The following ESRRG variants were observed in gnomAD, a reference collection of about 807,000 sequenced individuals.
ESRRG encodes the protein estrogen related receptor gamma.
In ESRRG, 13 loss-of-function variants were observed where a neutral mutation model predicts 44.0. The ratio of observed to expected loss-of-function variants is 0.30; its 90% CI spans 0.19 to 0.47. The LOEUF is 0.47. Among genes scored for constraint, ESRRG ranks in the 20% least tolerant of loss-of-function variants. ESRRG has a pLI of 1.00. For missense variants in ESRRG, 395 were observed against 580.6 expected, an observed-to-expected ratio of 0.68 and a Z score of 3.29; for synonymous variants, 215 against 214.6, an observed-to-expected ratio of 1.00 and a Z score of -0.02.
Position 216,764,967 on chromosome 1 carries a change from G to C in ESRRG, c.-13-87476C>G, listed in dbSNP as rs76050615. 2.1e-3 allele frequency among the ~76,000 whole-genome samples: 327 copies of C among 152,104 alleles called. 2 individuals are homozygous for C. Among genetic ancestry groups the C allele is most frequent in the Non-Finnish European group, 3.9e-3 (267 of 67,994 alleles). On this transcript the variant is annotated intron_variant, in intron 2 of 7. Transcript: ENST00000359162. Reference sequence around the variant, plus strand: ...TGGAACAGCCGCCCTTCAGGGAAGCGGTGACACTCGACCAAGTGATACATC... The same window carrying C: ...TGGAACAGCCGCCCTTCAGGGAAGCCGTGACACTCGACCAAGTGATACATC...
chr1:216,712,659 G>C (rs2789718), intron 1 of ESRRG, among the ~76,000 whole-genome samples: 10 of 152,022 alleles, frequency 6.6e-5, no homozygotes, highest in African/African-American at 1.9e-4. Context: ...TGCTTTCCTC[G>C]GGCAGGAATT....
At chr1:216,726,593 A>G (rs2087567750), upstream of ESRRG, among the ~76,000 whole-genome samples, 1 of 152,186 alleles carries the variant, frequency 6.6e-6, no homozygotes, top group African/African-American at 2.4e-5. Context: ...TTCCCAGTCT[A>G]TACACTTCAC....
intron 1 of ESRRG, among the ~76,000 whole-genome samples, chr1:216,697,099 G>A (rs2080321493): frequency 6.6e-6 from 1 of 151,978 alleles, no homozygotes; most frequent in South Asian, 2.1e-4. Context: ...CCAACTAGCT[G>A]GGACTACAGG....
intron 1 of ESRRG, among the ~76,000 whole-genome samples, chr1:217,066,255 C>CTT (rs68151743): frequency 0.045 from 5,942 of 132,424 alleles, 248 homozygotes; most frequent in African/African-American, 0.099. Context: ...TTTTTCTTTT[C>CTT]TTTTTTTTTT....
chr1:216,518,067 T>A (rs1390775148), intron 6 of ESRRG, among the ~76,000 whole-genome samples: 1 of 152,146 alleles, frequency 6.6e-6, no homozygotes, highest in Non-Finnish European at 1.5e-5. Flanking sequence ...GGGGGCAATT[T>A]GGGCAGAAGG....
chr1:216,538,570 G>A (rs1021135129), intron 5 of ESRRG, among the ~76,000 whole-genome samples: 1 of 152,050 alleles, frequency 6.6e-6, no homozygotes, highest in Non-Finnish European at 1.5e-5. Context: ...CCAGGGAAAC[G>A]CAGGATAAGC....
chr1:216,644,995 G>A (rs2067236809), intron 3 of ESRRG, among the ~76,000 whole-genome samples: 1 of 152,082 alleles, frequency 6.6e-6, no homozygotes, highest in South Asian at 2.1e-4. Context: ...GATTTCAGAT[G>A]CCCACAGAAA....
At chr1:216,647,410 A>C (rs796667226) in intron 3 of ESRRG, among the ~76,000 whole-genome samples, 19 of 152,250 alleles carry the variant, frequency 1.2e-4, no homozygotes, top group African/African-American at 4.3e-4. Context: ...GTTTTACTGT[A>C]CTTCTCAAAG....
intron 1 of ESRRG, chr1:216,707,636 A>G: frequency 1.4e-6 from 1 of 731,626 alleles, no homozygotes; most frequent in South Asian, 2.0e-5. Context: ...CCATTTTTAA[A>G]TGTTTTACAT....
chr1:216,860,316 G>T (rs554871914), intron 2 of ESRRG, among the ~76,000 whole-genome samples: 1 of 151,906 alleles, frequency 6.6e-6, no homozygotes, highest in Non-Finnish European at 1.5e-5. Flanking sequence ...AGCAGACAAA[G>T]ACATTAAAAC....
At chr1:216,733,446 CT>C (rs1410272801) in intron 2 of ESRRG, among the ~76,000 whole-genome samples, 2 of 152,156 alleles carry the variant, frequency 1.3e-5, no homozygotes, top group African/African-American at 4.8e-5. Flanking sequence ...CCAACATTGA[CT>C]TCATTGCCGT....
intron 2 of ESRRG, among the ~76,000 whole-genome samples, chr1:216,792,966 C>T (rs976742518): frequency 6.6e-6 from 1 of 152,106 alleles, no homozygotes; most frequent in Non-Finnish European, 1.5e-5. Context: ...ACCTTAAATC[C>T]CTTTCTTTGT....
At chr1:216,815,925 A>AACAC (rs142677886) in intron 2 of ESRRG, among the ~76,000 whole-genome samples, 1 of 151,494 alleles carries the variant, frequency 6.6e-6, no homozygotes, top group South Asian at 2.1e-4. Context: ...CATATTGGGG[A>AACAC]ACACACACAC....
intron 1 of ESRRG, among the ~76,000 whole-genome samples, chr1:216,695,932 AT>A (rs944149510): frequency 2.0e-5 from 3 of 152,174 alleles, no homozygotes; most frequent in Non-Finnish European, 4.4e-5. Flanking sequence ...CTGTTAGGCA[AT>A]TTCCTTATGA....
At chr1:217,121,611 GA>G (rs1181575667) in intron 1 of ESRRG, among the ~76,000 whole-genome samples, 7 of 152,074 alleles carry the variant, frequency 4.6e-5, no homozygotes, top group African/African-American at 1.4e-4. Flanking sequence ...AGAAAGGAAG[GA>G]AAAAGAAAAA....
intron 1 of ESRRG, among the ~76,000 whole-genome samples, chr1:217,039,580 T>C (rs1201762753): frequency 1.3e-5 from 2 of 152,144 alleles, no homozygotes; most frequent in Non-Finnish European, 2.9e-5. Context: ...GGGAAAGACC[T>C]GCCCCCATGA....
At chr1:217,054,464 A>C (rs2086690799) in intron 1 of ESRRG, among the ~76,000 whole-genome samples, 1 of 152,210 alleles carries the variant, frequency 6.6e-6, no homozygotes. Context: ...GATTTTCTCA[A>C]TTTGAGGGTC....
intron 1 of ESRRG, 87 bp from the exon 2 acceptor site, chr1:216,677,578 T>C (rs1269711192): frequency 1.8e-6 from 2 of 1,136,830 alleles, no homozygotes; most frequent in Non-Finnish European, 2.4e-6. Context: ...AAAGAGATGG[T>C]GAAAAATAGA....
At chr1:216,692,124 T>A (rs12066320) in intron 1 of ESRRG, among the ~76,000 whole-genome samples, 2,769 of 152,214 alleles carry the variant, frequency 0.018, 70 homozygotes, top group African/African-American at 0.061. Context: ...AAATTTTTTT[T>A]AAAAATTTAC....
Sources: allele counts gnomAD v4.1 joint callset (sites outside exome capture counted in the v4.1 genomes callset), GRCh38; gene constraint gnomAD v4.1.1; transcripts MANE v1.5; gene names NCBI Gene and HGNC (gene_info 2026-07-23, HGNC 2026-07-21).